SETD3: variants seen among roughly 807,000 people sequenced by gnomAD.
The protein encoded by SETD3 is SET domain containing 3, actin N3(tau)-histidine methyltransferase.
In SETD3, 19 loss-of-function variants were observed where a neutral mutation model predicts 63.0. That is an observed-to-expected ratio of 0.30 (90% CI 0.21 to 0.44). The LOEUF is 0.44. Ranked by LOEUF, SETD3 falls within the 20% of genes least tolerant of loss-of-function variation. The pLI, the probability that SETD3 is intolerant of heterozygous loss-of-function variation, is 1.00. For synonymous variants in SETD3, 286 were observed against 264.1 expected, an observed-to-expected ratio of 1.08 and a Z score of -0.80; for missense variants, 587 against 728.5, an observed-to-expected ratio of 0.81 and a Z score of 2.24.
chr14:99,441,507 A>G (rs1309474140), intron 6 of SETD3, among the ~76,000 whole-genome samples: 2 of 152,358 alleles, frequency 1.3e-5, no homozygotes, highest in East Asian at 3.9e-4. Context: ...CACAAAAGCA[A>G]TCACAGGCAG....
intron 6 of SETD3, 134 bp downstream of exon 6, chr14:99,458,145 T>C: frequency 9.4e-7 from 1 of 1,061,226 alleles, no homozygotes; most frequent in African/African-American, 1.6e-5. Flanking sequence ...ATGAAATGTA[T>C]TTTATATTTT....
chr14:99,482,128 G>A (rs766095829), upstream of SETD3, among the ~76,000 whole-genome samples: 1 of 152,246 alleles, frequency 6.6e-6, no homozygotes, highest in Admixed American at 6.5e-5. Context: ...GTCTGCCCAA[G>A]ATAGGCTCGG....
intron 6 of SETD3, among the ~76,000 whole-genome samples, chr14:99,421,954 A>G (rs1194715865): frequency 6.6e-6 from 1 of 152,226 alleles, no homozygotes; most frequent in African/African-American, 2.4e-5. Context: ...AATGCTTGGT[A>G]AATACTGTTC....
At chr14:99,458,990 C>A in intron 5 of SETD3, 123 bp downstream of exon 5, 1 of 618,442 alleles carries the variant, frequency 1.6e-6, no homozygotes, top group South Asian at 2.3e-5. Flanking sequence ...ACACTTAATG[C>A]ATATTTGAGG....
At chr14:99,475,519 T>C (rs547060165) in intron 1 of SETD3, among the ~76,000 whole-genome samples, 2 of 152,382 alleles carry the variant, frequency 1.3e-5, no homozygotes, top group South Asian at 2.1e-4. Context: ...CAGTACGATA[T>C]TGCAGAGAAG....
chr14:99,412,801 G>A (rs1050358657), intron 8 of SETD3, 150 bp downstream of exon 8: 42 of 607,798 alleles, frequency 6.9e-5, no homozygotes, highest in Admixed American at 4.1e-4. Context: ...TGTGGGCGGT[G>A]GGGAGGAGTG....
chr14:99,399,116 A>G lies in SETD3; in HGVS notation c.1348T>C (p.Ser450Pro), dbSNP rs780713779. Residue 450 changes from serine (S) to proline (P), a missense_variant, in exon 13 of 13, where the codon TCC becomes CCC. By Grantham distance (74) the Ser-to-Pro change is moderately conservative (BLOSUM62 -1). Coordinates refer to ENST00000331768, the MANE Select transcript of SETD3 (RefSeq NM_032233.3). ...TYKTTIEEDK[S>P]VLKNHDLSVR... Reference sequence around the variant, plus strand: ...GAAAGATCGTGGTTTTTCAAGACGGATTTATCTTCCTGGAAAACAAGAGCA... The same window carrying G: ...GAAAGATCGTGGTTTTTCAAGACGGGTTTATCTTCCTGGAAAACAAGAGCA... The G allele has an allele frequency of 4.3e-6, 7 of 1,612,432 alleles. No homozygotes were observed. In the South Asian group the frequency reaches 6.6e-5, roughly 15 times the overall value.
At chr14:99,475,690 C>T (rs1203745859) in intron 1 of SETD3, among the ~76,000 whole-genome samples, 2 of 152,082 alleles carry the variant, frequency 1.3e-5, no homozygotes, top group African/African-American at 2.4e-5. Context: ...TCAACAAAAC[C>T]CTTCAGATGT....
At chr14:99,471,409 A>AT (rs1895698026) in intron 1 of SETD3, among the ~76,000 whole-genome samples, 2 of 152,260 alleles carry the variant, frequency 1.3e-5, no homozygotes, top group African/African-American at 2.4e-5. Flanking sequence ...GATGTAGATA[A>AT]TTAGAGATAG....
chr14:99,480,403 C>T (rs1595295568), intron 1 of SETD3, among the ~76,000 whole-genome samples: 1 of 151,774 alleles, frequency 6.6e-6, no homozygotes. Context: ...ACCTCGAGAC[C>T]GGGTGGCGCG....
chr14:99,431,497 T>C (rs1893177373), intron 6 of SETD3, among the ~76,000 whole-genome samples: 1 of 152,130 alleles, frequency 6.6e-6, no homozygotes, highest in African/African-American at 2.4e-5. Context: ...GTAGGAATTT[T>C]TTTTTTTTTC....
At chr14:99,406,092 G>C (rs111704336) in intron 9 of SETD3, among the ~76,000 whole-genome samples, 2 of 152,196 alleles carry the variant, frequency 1.3e-5, no homozygotes, top group East Asian at 1.9e-4. Flanking sequence ...AGATTAAAAT[G>C]AAAGTATAAG....
intron 6 of SETD3, among the ~76,000 whole-genome samples, chr14:99,457,797 T>C (rs1032341716): frequency 6.6e-6 from 1 of 152,242 alleles, no homozygotes; most frequent in African/African-American, 2.4e-5. Flanking sequence ...TAGAGATTTC[T>C]ATGAGAAACT....
chr14:99,399,539 A>C (rs1891266662), intron 12 of SETD3, among the ~76,000 whole-genome samples: 1 of 152,174 alleles, frequency 6.6e-6, no homozygotes, highest in South Asian at 2.1e-4. Flanking sequence ...TCAGTAGTGA[A>C]CTTAAAAAGC....
intron 6 of SETD3, among the ~76,000 whole-genome samples, chr14:99,423,042 G>A (rs908739209): frequency 3.3e-5 from 5 of 152,092 alleles, no homozygotes; most frequent in African/African-American, 4.8e-5. Flanking sequence ...TATTCCCCAC[G>A]CTCAAAGAGT....
chr14:99,410,270 G>T (rs770207587), intron 8 of SETD3: 7 of 1,611,888 alleles, frequency 4.3e-6, no homozygotes, highest in Admixed American at 1.7e-5. Context: ...CGGAGGGTGT[G>T]GGGGGACAGG....
intron 6 of SETD3, among the ~76,000 whole-genome samples, chr14:99,456,496 CTTA>C (rs1174852388): frequency 6.6e-6 from 1 of 152,088 alleles, no homozygotes; most frequent in Non-Finnish European, 1.5e-5. Context: ...ACAAATTGTT[CTTA>C]TTAGTCATGT....
At chr14:99,455,268 C>G (rs1894693560) in intron 6 of SETD3, among the ~76,000 whole-genome samples, 1 of 152,210 alleles carries the variant, frequency 6.6e-6, no homozygotes, top group South Asian at 2.1e-4. Flanking sequence ...AGTCCCCCAG[C>G]TAACACGGAG....
In SETD3 at chr14:99,413,856, C is replaced by T. The variant is rs149058130; in HGVS notation, c.734+20G>A. The T allele has an allele frequency of 5.4e-4, 874 of 1,613,466 alleles. 3 individuals are homozygous for T. The African/African-American group carries it at 8.9e-3, about 16-fold the overall frequency. On this transcript the variant is annotated intron_variant, in intron 7 of 12. Coordinates refer to ENST00000331768, the MANE Select transcript of SETD3 (RefSeq NM_032233.3). ...AGAAACCACCCTCAATACACAGACACACTCACAGCCCACACCAACCTGTAG... is the reference window on the plus strand; with the variant it reads ...AGAAACCACCCTCAATACACAGACATACTCACAGCCCACACCAACCTGTAG...
Sources: allele counts gnomAD v4.1 joint callset (sites outside exome capture counted in the v4.1 genomes callset), GRCh38; gene constraint gnomAD v4.1.1; transcripts MANE v1.5; gene names NCBI Gene and HGNC (gene_info 2026-07-23, HGNC 2026-07-21).